The following SENP2 variants were observed in gnomAD, a reference collection of about 807,000 sequenced individuals.
SENP2 encodes the protein sentrin-specific protease 2.
SENP2 carries 16 observed loss-of-function variants against 86.3 expected under a neutral mutation model. The ratio of observed to expected loss-of-function variants is 0.19; its 90% CI spans 0.13 to 0.28. The LOEUF is 0.28. Among genes scored for constraint, SENP2 ranks in the 10% least tolerant of loss-of-function variants. The pLI is 1.00. For synonymous variants in SENP2, 222 were observed against 238.7 expected (o/e 0.93, Z 0.64); for missense variants, 552 against 703.0 (o/e 0.79, Z 2.43).
intron 5 of SENP2, among the ~76,000 whole-genome samples, chr3:185,604,357 A>C (rs917461171): frequency 6.6e-6 from 1 of 152,148 alleles, no homozygotes; most frequent in Non-Finnish European, 1.5e-5. Context: ...AGTATGGTCC[A>C]GTTGGATGAT....
At chr3:185,601,477 A>G (rs1722343368) in intron 5 of SENP2, among the ~76,000 whole-genome samples, 1 of 152,194 alleles carries the variant, frequency 6.6e-6, no homozygotes, top group Non-Finnish European at 1.5e-5. Context: ...TTATAAGTGT[A>G]CGTGGCCTGG....
chr3:185,625,360 C>T (rs990839901), intron 15 of SENP2, among the ~76,000 whole-genome samples: 1 of 152,200 alleles, frequency 6.6e-6, no homozygotes, highest in Non-Finnish European at 1.5e-5. Context: ...ATCCGCCCGC[C>T]TCTGCCTCCC....
chr3:185,588,568 C>T lies in SENP2; in HGVS notation c.102-1546C>T, dbSNP rs140551889. Among the ~76,000 whole-genome samples, 12 of 152,262 alleles carry T rather than the reference C, an allele frequency of 7.9e-5. No homozygotes were observed. In the East Asian group the frequency reaches 1.2e-3, roughly 15 times the overall value. ...GTTCATTTGTGGGAGCTTGAGAGAA[C>T]AAGATGTCTAATACATTAGTCTGAG... On this transcript the variant is annotated intron_variant, in intron 1 of 16. Transcript: ENST00000296257.
intron 2 of SENP2, among the ~76,000 whole-genome samples, chr3:185,591,427 C>T (rs2148980115): frequency 6.6e-6 from 1 of 152,210 alleles, no homozygotes; most frequent in Non-Finnish European, 1.5e-5. Context: ...TCTCGACTCA[C>T]TGCAACCTCC....
intron 5 of SENP2, among the ~76,000 whole-genome samples, chr3:185,602,365 G>A (rs1176521668): frequency 6.6e-6 from 1 of 152,138 alleles, no homozygotes; most frequent in Non-Finnish European, 1.5e-5. Context: ...CAAAAACTGG[G>A]CATGCCACCC....
intron 6 of SENP2, among the ~76,000 whole-genome samples, chr3:185,608,476 A>G (rs1347482348): frequency 6.6e-6 from 1 of 152,190 alleles, no homozygotes; most frequent in East Asian, 1.9e-4. Flanking sequence ...GTTTATGGGG[A>G]AGATGATGAC....
chr3:185,627,396 GCT>G (rs1712199654), intron 16 of SENP2, among the ~76,000 whole-genome samples: 1 of 152,098 alleles, frequency 6.6e-6, no homozygotes, highest in Non-Finnish European at 1.5e-5. Flanking sequence ...TTTCTGTTCT[GCT>G]CTTTTGTGTT....
intron 5 of SENP2, among the ~76,000 whole-genome samples, chr3:185,602,327 A>C (rs1480536079): frequency 6.6e-6 from 1 of 152,204 alleles, no homozygotes; most frequent in East Asian, 1.9e-4. Context: ...GAGTCTGAAC[A>C]TCTTGTGCCA....
intron 5 of SENP2, among the ~76,000 whole-genome samples, chr3:185,605,188 G>A (rs1342324552): frequency 6.6e-6 from 1 of 151,210 alleles, no homozygotes; most frequent in Non-Finnish European, 1.5e-5. Context: ...TGGCCAACAT[G>A]GTGAAACCCC....
chr3:185,612,182 TG>T (rs1722722918), intron 8 of SENP2: 1 of 165,582 alleles, frequency 6.0e-6, no homozygotes, highest in Non-Finnish European at 1.3e-5. Flanking sequence ...CTCACAGCAT[TG>T]ACTGGGGCTT....
At chr3:185,610,154 C>CT (rs557832407) in intron 7 of SENP2, among the ~76,000 whole-genome samples, 1,197 of 114,950 alleles carry the variant, frequency 0.01, 6 homozygotes, top group African/African-American at 0.015. Context: ...TATTATCTAG[C>CT]TTTTTTTTTT....
chr3:185,628,675 T>A (rs1408938290), intron 16 of SENP2, among the ~76,000 whole-genome samples: 2 of 151,922 alleles, frequency 1.3e-5, no homozygotes, highest in African/African-American at 4.8e-5. Flanking sequence ...CCTGGCTAAT[T>A]TTGTATTTTT....
intron 9 of SENP2, among the ~76,000 whole-genome samples, chr3:185,613,051 C>T (rs1357323886): frequency 2.6e-5 from 4 of 152,216 alleles, no homozygotes; most frequent in African/African-American, 9.6e-5. Context: ...GTCTACTTGC[C>T]TATTTTTGTA....
chr3:185,598,658 T>A (rs1577722076), intron 3 of SENP2, 113 bp downstream of exon 3: 5 of 1,094,598 alleles, frequency 4.6e-6, no homozygotes, highest in Non-Finnish European at 6.4e-6. Context: ...TCCAGAAATA[T>A]CTGTATCTTT....
rs1419192775 is a variant in SENP2, at chr3:185,632,347, G to C, written c.*2503G>C. 6.8e-6 allele frequency: 1 copy of C among 146,234 alleles called. No homozygotes were observed. The allele number at this position is 146,234 out of a possible 1,614,324, so 9.1% of individuals were successfully genotyped here. On this transcript the variant is annotated 3_prime_UTR_variant, in exon 17 of 17. Coordinates refer to ENST00000296257, the MANE Select transcript of SENP2 (RefSeq NM_021627.3). ...CCTCCCAGGTTCAAGCGATTCTCCTGCCTCAGCCTCCTGCGTAGCTGGGAT... is the reference window on the plus strand; with the variant it reads ...CCTCCCAGGTTCAAGCGATTCTCCTCCCTCAGCCTCCTGCGTAGCTGGGAT...
At chr3:185,601,312 T>G (rs1247573264) in intron 5 of SENP2, among the ~76,000 whole-genome samples, 3 of 152,140 alleles carry the variant, frequency 2.0e-5, no homozygotes, top group Admixed American at 6.5e-5. Context: ...CCCAAAGTGC[T>G]GGGATTACAG....
intron 16 of SENP2, among the ~76,000 whole-genome samples, chr3:185,628,433 G>A (rs763054007): frequency 5.3e-5 from 8 of 152,152 alleles, no homozygotes; most frequent in Non-Finnish European, 8.8e-5. Flanking sequence ...CACCACGCCC[G>A]GTGACATCAC....
chr3:185,614,571 G>C lies in SENP2; in HGVS notation c.941G>C (p.Gly314Ala), dbSNP rs772323068. Reference sequence around the variant, plus strand: ...AGATAATTTTTTGATCAGAGGAGGGGATACCAACTGGAGCCTGACCTATCA... The same window carrying C: ...AGATAATTTTTTGATCAGAGGAGGGCATACCAACTGGAGCCTGACCTATCA... ...GIRFENESRR[G>A]YQLEPDLSEE... is the part of the protein sequence containing the mutation. Residue 314 changes from glycine to alanine, a missense_variant, in exon 11 of 17, where the codon GGA (glycine) becomes GCA (alanine). Gly to Ala is a moderately conservative substitution (Grantham distance 60, BLOSUM62 0). Transcript: ENST00000296257. 6.2e-7 allele frequency: 1 copy of C among 1,611,682 alleles called. No individual in the cohort carries two copies. The highest frequency in any genetic ancestry group is 1.3e-5 in the African/African-American group (1 of 74,854).
At position 185,614,427 on chromosome 3, in the gene SENP2, G is replaced by A. The variant is rs985587375; in HGVS notation, c.934-137G>A. On this transcript the variant is annotated intron_variant, in intron 10 of 16. Transcript: ENST00000296257. Reference sequence around the variant, plus strand: ...CCCCTTGCAGGGACAGACAGATAGGGTAAATCTACTCACTTGGGGGATTTG... The same window carrying A: ...CCCCTTGCAGGGACAGACAGATAGGATAAATCTACTCACTTGGGGGATTTG... 6 of 850,878 alleles carry A rather than the reference G, an allele frequency of 7.1e-6. No homozygotes were observed. In the African/African-American group the frequency reaches 8.6e-5, roughly 12 times the overall value. The allele number at this position is 850,878 out of a possible 1,614,324, so 52.7% of individuals were successfully genotyped here. A position where few individuals can be genotyped will look rare whatever the true frequency, so the allele number is the denominator to read the frequency against.
Sources: gnomAD v4.1 joint callset for allele counts (sites outside exome capture counted in the v4.1 genomes callset) on GRCh38, gnomAD v4.1.1 for gene constraint, MANE v1.5 for transcripts, NCBI Gene and HGNC (gene_info 2026-07-23, HGNC 2026-07-21) for gene names.